Variants in ADAMTS3 observed in about 807,000 individuals in gnomAD.
ADAMTS3 encodes A disintegrin and metalloproteinase with thrombospondin motifs 3.
In ADAMTS3, 73 loss-of-function variants were observed where a neutral mutation model predicts 129.0. The ratio of observed to expected loss-of-function variants is 0.57; its 90% CI spans 0.47 to 0.69. The LOEUF (loss-of-function observed/expected upper bound fraction) is 0.69, where lower values mean the gene tolerates loss of function less well. ADAMTS3 is among the 30% of genes least tolerant of loss of function. The probability of loss-of-function intolerance (pLI) is 0.00; values close to 1 mark genes in which losing one functional copy is unlikely to be tolerated. For missense variants in ADAMTS3, 1,457 were observed against 1,514.5 expected (o/e 0.96, Z 0.63); for synonymous variants, 477 against 510.8 (o/e 0.93, Z 0.89).
intron 3 of ADAMTS3, among the ~76,000 whole-genome samples, chr4:72,456,333 A>ATAGTATG (rs1718613815): frequency 6.8e-6 from 1 of 146,852 alleles, no homozygotes; most frequent in Non-Finnish European, 1.5e-5. Context: ...TATAGTATAT[A>ATAGTATG]TACTGTATAT....
Position 72,283,247 on chromosome 4 carries a change from G to A in ADAMTS3, c.3507C>T (p.Phe1169=). 1 of 1,614,070 alleles carries A rather than the reference G, an allele frequency of 6.2e-7. No individual in the cohort carries two copies. The highest frequency in any genetic ancestry group is 8.5e-7 in the Non-Finnish European group (1 of 1,179,962). Residue 1169 remains phenylalanine (F), a synonymous_variant, in exon 22 of 22, where the codon TTC becomes TTT. Coordinates refer to ENST00000286657, the MANE Select transcript of ADAMTS3 (RefSeq NM_014243.3). ...SSASQMAAAS[F]FAASDSIGAS... is the part of the protein sequence containing the mutation. Reference sequence around the variant, plus strand: ...CACCTATTGAATCACTGGCTGCAAAGAAGGAAGCAGCAGCCATTTGTGAAG... The same window carrying A: ...CACCTATTGAATCACTGGCTGCAAAAAAGGAAGCAGCAGCCATTTGTGAAG...
chr4:72,530,769 T>TAC (rs1721014304), intron 3 of ADAMTS3, among the ~76,000 whole-genome samples: 2 of 1,290 alleles, frequency 1.6e-3, no homozygotes, highest in South Asian at 0.083. Flanking sequence ...TTATATAGAT[T>TAC]ATATATATTA....
chr4:72,298,192 C>T (rs987880828), intron 18 of ADAMTS3, 85 bp downstream of exon 18: 12 of 1,134,762 alleles, frequency 1.1e-5, no homozygotes, highest in East Asian at 2.5e-5. Flanking sequence ...ATTGTGGCCT[C>T]GATTAGAGAC....
intron 3 of ADAMTS3, among the ~76,000 whole-genome samples, chr4:72,515,175 T>C (rs1419739211): frequency 6.6e-6 from 1 of 152,218 alleles, no homozygotes; most frequent in Non-Finnish European, 1.5e-5. Flanking sequence ...TGATCCTTTT[T>C]TATGGCTGCA....
Position 72,319,970 on chromosome 4 carries a change from A to G in ADAMTS3, c.1103-7T>C, listed in dbSNP as rs1201358221. 6.2e-7 allele frequency: 1 copy of G among 1,602,534 alleles called. No homozygotes were observed. The highest frequency in any genetic ancestry group is 2.2e-5 in the East Asian group (1 of 44,708). ...CCGGTGACTGGAGCATATCCTGTAGAGAATAACAATTACTTTTATTTTCAT... is the reference window on the plus strand; with the variant it reads ...CCGGTGACTGGAGCATATCCTGTAGGGAATAACAATTACTTTTATTTTCAT... On this transcript the variant is annotated splice_polypyrimidine_tract_variant and splice_region_variant and intron_variant, in intron 7 of 21. Transcript: ENST00000286657.
At chr4:72,431,059 C>A (rs1221080245) in intron 3 of ADAMTS3, among the ~76,000 whole-genome samples, 1 of 151,574 alleles carries the variant, frequency 6.6e-6, no homozygotes, top group Non-Finnish European at 1.5e-5. Flanking sequence ...CTTATTAGAA[C>A]AACCATGGAG....
At chr4:72,399,094 C>A (rs575627960) in intron 4 of ADAMTS3, among the ~76,000 whole-genome samples, 123 of 152,248 alleles carry the variant, frequency 8.1e-4, no homozygotes, top group African/African-American at 2.8e-3. Context: ...AAAGTACTTG[C>A]AAAGCTTTCA....
At chr4:72,462,730 T>C (rs1396686247) in intron 3 of ADAMTS3, among the ~76,000 whole-genome samples, 3 of 151,742 alleles carry the variant, frequency 2.0e-5, no homozygotes, top group Non-Finnish European at 2.9e-5. Flanking sequence ...ATTTAAAAAA[T>C]AGAAAATATA....
intron 3 of ADAMTS3, among the ~76,000 whole-genome samples, chr4:72,529,887 ATT>A (rs1491104830): frequency 2.9e-5 from 2 of 69,410 alleles, no homozygotes; most frequent in African/African-American, 1.2e-4. Flanking sequence ...TATATAATAT[ATT>A]ATATATTATA....
In ADAMTS3 at chr4:72,395,633, A is replaced by G. The variant is rs150928939; in HGVS notation, c.661+19182T>C. 7.0e-3 allele frequency among the ~76,000 whole-genome samples: 1,064 copies of G among 152,340 alleles called. 4 individuals carry two copies. Among genetic ancestry groups the G allele is most frequent in the African/African-American group, 0.024 (1,010 of 41,570 alleles). Reference sequence around the variant, plus strand: ...GTTTACAACAATGACTACATCTTCAATCAAAAGCAGCAATCTCCAAAGCAG... The same window carrying G: ...GTTTACAACAATGACTACATCTTCAGTCAAAAGCAGCAATCTCCAAAGCAG... On this transcript the variant is annotated intron_variant, in intron 4 of 21. Transcript: ENST00000286657.
At chr4:72,509,604 C>T (rs571347933) in intron 3 of ADAMTS3, among the ~76,000 whole-genome samples, 4 of 152,030 alleles carry the variant, frequency 2.6e-5, no homozygotes, top group South Asian at 2.1e-4. Flanking sequence ...TAACAAGTAA[C>T]AAGATTGAAG....
intron 19 of ADAMTS3, among the ~76,000 whole-genome samples, chr4:72,293,652 C>T (rs905943844): frequency 2.6e-5 from 4 of 151,984 alleles, no homozygotes; most frequent in Non-Finnish European, 4.4e-5. Flanking sequence ...ATAGTTGAGC[C>T]CACGAGCCAC....
chr4:72,501,495 T>C (rs1410138898), intron 3 of ADAMTS3, among the ~76,000 whole-genome samples: 1 of 152,196 alleles, frequency 6.6e-6, no homozygotes, highest in Non-Finnish European at 1.5e-5. Flanking sequence ...TGAAATCATT[T>C]GTCAGTACCA....
At chr4:72,466,286 G>C (rs1718916107) in intron 3 of ADAMTS3, among the ~76,000 whole-genome samples, 1 of 151,974 alleles carries the variant, frequency 6.6e-6, no homozygotes, top group Non-Finnish European at 1.5e-5. Flanking sequence ...GAGGCTAGAG[G>C]GATAGCCTGT....
chr4:72,466,887 C>T (rs928663317), intron 3 of ADAMTS3, among the ~76,000 whole-genome samples: 34 of 151,964 alleles, frequency 2.2e-4, no homozygotes, highest in Admixed American at 6.6e-4. Context: ...TCCAGCTATG[C>T]GGTCTTAGTT....
chr4:72,381,033 T>C (rs935501075), intron 4 of ADAMTS3, among the ~76,000 whole-genome samples: 6 of 152,162 alleles, frequency 3.9e-5, no homozygotes, highest in African/African-American at 1.4e-4. Context: ...CCAGTTTTAA[T>C]AGAAGTCCAG....
At chr4:72,518,091 T>G (rs1338591699) in intron 3 of ADAMTS3, among the ~76,000 whole-genome samples, 1 of 152,340 alleles carries the variant, frequency 6.6e-6, no homozygotes, top group Non-Finnish European at 1.5e-5. Flanking sequence ...CATTTCATTA[T>G]ATACCCAGTA....
chr4:72,479,564 A>G (rs905359492), intron 3 of ADAMTS3, among the ~76,000 whole-genome samples: 1 of 152,192 alleles, frequency 6.6e-6, no homozygotes, highest in Non-Finnish European at 1.5e-5. Flanking sequence ...TAAAGACTTA[A>G]ACGTTAGACC....
intron 3 of ADAMTS3, among the ~76,000 whole-genome samples, chr4:72,518,204 G>C (rs1720549326): frequency 6.6e-6 from 1 of 152,078 alleles, no homozygotes. Flanking sequence ...CTGAGAGACA[G>C]TTTGTTATAA....
Sources: allele counts gnomAD v4.1 joint callset (sites outside exome capture counted in the v4.1 genomes callset), GRCh38; gene constraint gnomAD v4.1.1; transcripts MANE v1.5; gene names NCBI Gene and HGNC (gene_info 2026-07-23, HGNC 2026-07-21).